Variants in TMC5 observed in about 807,000 individuals in gnomAD.
TMC5 encodes the protein transmembrane channel like 5.
Under a neutral mutation model 110.5 loss-of-function variants are expected in TMC5, and 86 were observed. That is an observed-to-expected ratio of 0.78 (90% CI 0.65 to 0.93). TMC5 has a LOEUF of 0.93. Among genes scored for constraint, TMC5 ranks in the 40% least tolerant of loss-of-function variants. The probability of loss-of-function intolerance (pLI) is 0.00; values close to 1 mark genes in which losing one functional copy is unlikely to be tolerated. For synonymous variants in TMC5, 455 were observed against 439.5 expected, an observed-to-expected ratio of 1.04 and a Z score of -0.44; for missense variants, 1,144 against 1,222.8, an observed-to-expected ratio of 0.94 and a Z score of 0.96.
intron 1 of TMC5, among the ~76,000 whole-genome samples, chr16:19,426,891 C>G (rs1431562184): frequency 6.6e-6 from 1 of 152,076 alleles, no homozygotes; most frequent in Non-Finnish European, 1.5e-5. Flanking sequence ...CTTGGGAAAC[C>G]CGATAAAAAG....
chr16:19,443,877 A>G (rs1366810638), intron 3 of TMC5, among the ~76,000 whole-genome samples: 1 of 145,244 alleles, frequency 6.9e-6, no homozygotes, highest in Non-Finnish European at 1.5e-5. Flanking sequence ...GGATGGATGA[A>G]TGGATGGATG....
At position 19,463,790 on chromosome 16, in the gene TMC5, C is replaced by T. The variant is rs1453252024; in HGVS notation, c.1251C>T (p.Ser417=). 6.2e-6 allele frequency: 10 copies of T among 1,613,970 alleles called. No individual in the cohort carries two copies. The highest frequency in any genetic ancestry group is 7.6e-6 in the Non-Finnish European group (9 of 1,179,992). The change falls in exon 8 of 22, where the codon TCC becomes TCT. Residue 417 remains serine, a synonymous_variant. Transcript: ENST00000542583. ...CCTGATTCCAGGCTTATCGGAGATCCAAGAACAGCCTGTCGGAAATTCTGA... is the reference window on the plus strand; with the variant it reads ...CCTGATTCCAGGCTTATCGGAGATCTAAGAACAGCCTGTCGGAAATTCTGA... ...LNSISRAYRR[S]KNSLSEILNS... is the part of the protein sequence containing the mutation.
chr16:19,419,042 T>A (rs975025649), intron 1 of TMC5, among the ~76,000 whole-genome samples: 2 of 152,156 alleles, frequency 1.3e-5, no homozygotes, highest in Non-Finnish European at 2.9e-5. Context: ...AATGATGTTG[T>A]TGATGATGAT....
At chr16:19,442,891 A>G (rs73538028) in intron 3 of TMC5, among the ~76,000 whole-genome samples, 1 of 152,148 alleles carries the variant, frequency 6.6e-6, no homozygotes, top group African/African-American at 2.4e-5. Flanking sequence ...CTTATCACCC[A>G]CTGCCTGATT....
intron 1 of TMC5, among the ~76,000 whole-genome samples, chr16:19,428,734 C>G (rs547766874): frequency 1.3e-5 from 2 of 152,154 alleles, no homozygotes; most frequent in African/African-American, 4.8e-5. Flanking sequence ...ATCTTGAAAA[C>G]TTAGTAAATT....
At chr16:19,418,912 A>G (rs1423857496) in intron 1 of TMC5, among the ~76,000 whole-genome samples, 2 of 152,114 alleles carry the variant, frequency 1.3e-5, no homozygotes, top group African/African-American at 4.8e-5. Flanking sequence ...GATTTTTAGT[A>G]GAGACAAGGT....
intron 9 of TMC5, 63 bp from the exon 10 acceptor site, chr16:19,469,618 A>T (rs934442376): frequency 1.3e-5 from 21 of 1,598,942 alleles, no homozygotes; most frequent in Non-Finnish European, 1.7e-5. Context: ...CCTTTGTTGA[A>T]GCCCTGCACT....
rs775019283 is a variant in TMC5, at chr16:19,440,394, A to G, written c.356A>G (p.His119Arg). Residue 119 changes from histidine (H) to arginine (R), a missense_variant, in exon 3 of 22, where the codon CAC (histidine) becomes CGC (arginine). By Grantham distance (29) the His-to-Arg change is conservative. Coordinates refer to ENST00000542583, the MANE Select transcript of TMC5 (RefSeq NM_001261841.2). ...AGTGAATTTCAGAGTCATCCCTACC[A>G]CCGAGCATCATCCAGACAACCAGAC... The part of the protein sequence containing the change: ...DYSEFQSHPY[H>R]RASSRQPDYP... 6.2e-7 allele frequency: 1 copy of G among 1,613,916 alleles called. No individual in the cohort carries two copies. The highest frequency in any genetic ancestry group is 8.5e-7 in the Non-Finnish European group (1 of 1,179,968).
intron 13 of TMC5, among the ~76,000 whole-genome samples, chr16:19,477,784 T>C (rs1968525069): frequency 6.6e-6 from 1 of 152,212 alleles, no homozygotes; most frequent in Non-Finnish European, 1.5e-5. Context: ...CTCAGTTTTC[T>C]CATCTGTAAA....
intron 5 of TMC5, among the ~76,000 whole-genome samples, chr16:19,459,778 C>T (rs1428742842): frequency 6.6e-6 from 1 of 151,160 alleles, no homozygotes. Context: ...ATTAGCCAGA[C>T]ATGGTGGTGC....
intron 4 of TMC5, among the ~76,000 whole-genome samples, chr16:19,448,738 CAT>C (rs747190838): frequency 4.8e-4 from 67 of 139,606 alleles, no homozygotes; most frequent in East Asian, 1.8e-3. Context: ...TATTATATAA[CAT>C]ATAAAATATA....
At position 19,472,069 on chromosome 16, in the gene TMC5, G is replaced by T; in HGVS notation, c.1783-19G>T. ...AGCCACCATGCCCAGCCATAAACTT[G>T]ACTTTCTTATGTTTCTAGGAGAACC... On this transcript the variant is annotated intron_variant, in intron 10 of 21. Transcript: ENST00000542583. 1.2e-6 allele frequency: 2 copies of T among 1,610,570 alleles called. No homozygotes were observed. Among genetic ancestry groups the T allele is most frequent in the Non-Finnish European group, 8.5e-7 (1 of 1,177,902 alleles).
chr16:19,437,840 T>C (rs1567302051), intron 2 of TMC5, among the ~76,000 whole-genome samples: 1 of 152,204 alleles, frequency 6.6e-6, no homozygotes, highest in Non-Finnish European at 1.5e-5. Flanking sequence ...CTTATGTATA[T>C]ATTCTATCCC....
intron 6 of TMC5, 64 bp downstream of exon 6, chr16:19,460,398 C>T: frequency 8.5e-7 from 1 of 1,175,236 alleles, no homozygotes; most frequent in East Asian, 2.4e-5. Flanking sequence ...CTACTTTTGC[C>T]CCATCTCAAA....
intron 15 of TMC5, among the ~76,000 whole-genome samples, chr16:19,486,501 C>T (rs1399407944): frequency 1.3e-5 from 2 of 152,172 alleles, no homozygotes; most frequent in Non-Finnish European, 2.9e-5. Flanking sequence ...CTCAGCCTCT[C>T]AAGTAGCTAA....
At chr16:19,483,874 C>T (rs1481821019) in intron 15 of TMC5, among the ~76,000 whole-genome samples, 1 of 152,032 alleles carries the variant, frequency 6.6e-6, no homozygotes, top group South Asian at 2.1e-4. Context: ...GCCAGGAGTT[C>T]GAGGCCAACC....
intron 2 of TMC5, among the ~76,000 whole-genome samples, chr16:19,438,423 AAAAGAAAGAAAGAG>A (rs1213897715): frequency 5.2e-5 from 2 of 38,160 alleles, no homozygotes; most frequent in Non-Finnish European, 1.0e-4. Context: ...AAAGAAAAGA[AAAAGAAAGAAAGAG>A]AAAGAAAGAA....
intron 4 of TMC5, among the ~76,000 whole-genome samples, chr16:19,447,503 G>A (rs747744783): frequency 4.6e-5 from 7 of 152,034 alleles, no homozygotes; most frequent in African/African-American, 1.7e-4. Flanking sequence ...TAATATGTTC[G>A]AGGATTATTT....
intron 9 of TMC5, among the ~76,000 whole-genome samples, chr16:19,467,849 C>T (rs1445403591): frequency 6.6e-6 from 1 of 152,176 alleles, no homozygotes; most frequent in East Asian, 1.9e-4. Context: ...GGGGTTAGGA[C>T]TTCAACATAC....
Sources: gnomAD v4.1 joint callset for allele counts (sites outside exome capture counted in the v4.1 genomes callset) on GRCh38, gnomAD v4.1.1 for gene constraint, MANE v1.5 for transcripts, NCBI Gene and HGNC (gene_info 2026-07-23, HGNC 2026-07-21) for gene names.